Variants in SMYD3 observed in about 807,000 individuals in gnomAD.
SMYD3 encodes histone-lysine N-methyltransferase SMYD3.
In SMYD3, 36 loss-of-function variants were observed where a neutral mutation model predicts 57.7. The ratio of observed to expected loss-of-function variants is 0.62; its 90% CI spans 0.48 to 0.82. The LOEUF (loss-of-function observed/expected upper bound fraction) is 0.82, where lower values mean the gene tolerates loss of function less well. Ranked by LOEUF, SMYD3 falls within the 40% of genes least tolerant of loss-of-function variation. The pLI is 0.00. For missense variants in SMYD3, 515 were observed against 538.8 expected (o/e 0.96, Z 0.44); for synonymous variants, 211 against 195.0 (o/e 1.08, Z -0.68).
intron 5 of SMYD3, among the ~76,000 whole-genome samples, chr1:246,160,861 G>C (rs564336958): frequency 2.0e-5 from 3 of 152,206 alleles, no homozygotes; most frequent in African/African-American, 4.8e-5. Flanking sequence ...TTCAAATCTG[G>C]GAAGATTAAA....
chr1:245,977,489 G>A (rs2058477783), intron 5 of SMYD3, among the ~76,000 whole-genome samples: 1 of 152,118 alleles, frequency 6.6e-6, no homozygotes, highest in Non-Finnish European at 1.5e-5. Flanking sequence ...GACCAGCCTG[G>A]GCAACATGGT....
At chr1:246,401,083 T>G (rs1047705872) in intron 1 of SMYD3, among the ~76,000 whole-genome samples, 1 of 152,242 alleles carries the variant, frequency 6.6e-6, no homozygotes, top group Non-Finnish European at 1.5e-5. Flanking sequence ...AAGACTCATA[T>G]TTCCTTAGAT....
intron 10 of SMYD3, among the ~76,000 whole-genome samples, chr1:245,856,254 G>T (rs1277553363): frequency 1.3e-5 from 2 of 152,160 alleles, no homozygotes; most frequent in Non-Finnish European, 2.9e-5. Flanking sequence ...GTTGGTTCTG[G>T]TTTATTTATA....
intron 10 of SMYD3, among the ~76,000 whole-genome samples, chr1:245,786,203 G>A (rs1331639932): frequency 8.5e-6 from 1 of 118,300 alleles, no homozygotes; most frequent in Admixed American, 9.0e-5. Context: ...GAGTTGAGTT[G>A]GGGTGTGGAC....
chr1:245,883,784 G>T (rs1050393935), intron 8 of SMYD3, among the ~76,000 whole-genome samples: 1 of 152,214 alleles, frequency 6.6e-6, no homozygotes, highest in East Asian at 1.9e-4. Flanking sequence ...TGGCTTTTCA[G>T]GGAGCTTCAT....
chr1:246,307,661 CG>C (rs2065008543), intron 5 of SMYD3, among the ~76,000 whole-genome samples: 1 of 151,962 alleles, frequency 6.6e-6, no homozygotes, highest in Non-Finnish European at 1.5e-5. Flanking sequence ...CCTCATGATC[CG>C]CCCGCCTCGG....
At chr1:246,391,751 A>G (rs1397951351) in intron 1 of SMYD3, among the ~76,000 whole-genome samples, 3 of 152,206 alleles carry the variant, frequency 2.0e-5, no homozygotes, top group Admixed American at 6.5e-5. Flanking sequence ...AGAGGGAAGA[A>G]TTTTCTGAGC....
chr1:245,757,321 C>G (rs1175048390), intron 11 of SMYD3, among the ~76,000 whole-genome samples: 1 of 151,948 alleles, frequency 6.6e-6, no homozygotes, highest in Non-Finnish European at 1.5e-5. Context: ...CAATTTTATT[C>G]CTTTTTAAGG....
At chr1:246,305,757 T>C (rs1463714719) in intron 5 of SMYD3, among the ~76,000 whole-genome samples, 2 of 152,224 alleles carry the variant, frequency 1.3e-5, no homozygotes. Flanking sequence ...GGTTCCTTTC[T>C]TCAAAAAGTA....
intron 5 of SMYD3, among the ~76,000 whole-genome samples, chr1:246,197,394 A>G (rs542112526): frequency 3.3e-5 from 5 of 152,230 alleles, no homozygotes; most frequent in African/African-American, 4.8e-5. Context: ...AGTCAAGTCA[A>G]TAGAGCATAT....
chr1:246,122,061 T>G (rs568240370), intron 5 of SMYD3, among the ~76,000 whole-genome samples: 3 of 131,168 alleles, frequency 2.3e-5, no homozygotes, highest in South Asian at 5.7e-4. Context: ...AAGAAAAGAC[T>G]AATTAAAAAA....
chr1:246,381,785 C>T (rs1293526187), intron 1 of SMYD3, among the ~76,000 whole-genome samples: 1 of 152,230 alleles, frequency 6.6e-6, no homozygotes, highest in African/African-American at 2.4e-5. Flanking sequence ...AAAGCAGCCC[C>T]TGCAGCCTCA....
intron 5 of SMYD3, among the ~76,000 whole-genome samples, chr1:246,222,409 G>A (rs1351749183): frequency 6.6e-6 from 1 of 152,100 alleles, no homozygotes; most frequent in Non-Finnish European, 1.5e-5. Context: ...AACAGGATTT[G>A]AGCCGATCTG....
chr1:246,506,407 G>A (rs988571095), intron 1 of SMYD3, among the ~76,000 whole-genome samples: 1 of 152,182 alleles, frequency 6.6e-6, no homozygotes, highest in South Asian at 2.1e-4. Flanking sequence ...CGGGGGACCC[G>A]TGTCTGATGC....
At chr1:246,484,127 T>C (rs111272761) in intron 1 of SMYD3, among the ~76,000 whole-genome samples, 11 of 55,548 alleles carry the variant, frequency 2.0e-4, no homozygotes, top group African/African-American at 8.9e-4. Context: ...ACCTAAACCA[T>C]TGCACTAGTT....
chr1:246,002,524 T>C lies in SMYD3; in HGVS notation c.532-72587A>G, dbSNP rs370114186. Among the ~76,000 whole-genome samples, 2 of 100,822 alleles carry C rather than the reference T, an allele frequency of 2.0e-5. 1 individual carries two copies. The highest frequency in any genetic ancestry group is 4.1e-5 in the Non-Finnish European group (2 of 48,750). The allele number at this position is 100,822 out of a possible 152,430, so 66.1% of individuals were successfully genotyped here. A position where few individuals can be genotyped will look rare whatever the true frequency, so the allele number is the denominator to read the frequency against. On this transcript the variant is annotated intron_variant, in intron 5 of 11. Coordinates refer to ENST00000490107, the MANE Select transcript of SMYD3 (RefSeq NM_001167740.2). ...TAGTAGAGACGGGGTTTCACCATGTTAGCCAGGATGGTCTCGATCTCCTGA... is the reference window on the plus strand; with the variant it reads ...TAGTAGAGACGGGGTTTCACCATGTCAGCCAGGATGGTCTCGATCTCCTGA...
At chr1:245,853,185 T>C (rs2051061992) in intron 10 of SMYD3, among the ~76,000 whole-genome samples, 1 of 152,204 alleles carries the variant, frequency 6.6e-6, no homozygotes, top group Admixed American at 6.5e-5. Context: ...TTATTTCTTC[T>C]TCTGGGGTGA....
At chr1:246,438,896 C>T (rs986459059) in intron 1 of SMYD3, among the ~76,000 whole-genome samples, 4 of 151,468 alleles carry the variant, frequency 2.6e-5, no homozygotes, top group East Asian at 1.9e-4. Context: ...AATCTAATGC[C>T]GCTGCTGATC....
chr1:245,858,565 T>G lies in SMYD3; in HGVS notation c.1007A>C (p.Asp336Ala). 6.2e-7 allele frequency: 1 copy of G among 1,614,202 alleles called. No homozygotes were observed. Among genetic ancestry groups the G allele is most frequent in the Non-Finnish European group, 8.5e-7 (1 of 1,180,044 alleles). ...CAACAGGCCGAGGTTGATGCAGGCA[T>G]CCATGGCGCAGTCGAGCACCTTCAG... Reference protein sequence around the residue: ...YQLKVLDCAMDACINLGLLEE... With the variant: ...YQLKVLDCAMAACINLGLLEE... The change falls in exon 10 of 12, where the codon GAT becomes GCT. Residue 336 changes from aspartate to alanine, a missense_variant. Physicochemically the swap from Asp to Ala is moderately radical, Grantham distance 126 (BLOSUM62 -2). Coordinates refer to ENST00000490107, the MANE Select transcript of SMYD3 (RefSeq NM_001167740.2).
Sources: gnomAD v4.1 joint callset for allele counts (sites outside exome capture counted in the v4.1 genomes callset) on GRCh38, gnomAD v4.1.1 for gene constraint, MANE v1.5 for transcripts, NCBI Gene and HGNC (gene_info 2026-07-23, HGNC 2026-07-21) for gene names.